The following NDRG1 variants were observed in gnomAD, a reference collection of about 807,000 sequenced individuals.
The protein encoded by NDRG1 is protein NDRG1.
NDRG1 carries 32 observed loss-of-function variants against 56.9 expected under a neutral mutation model. The ratio of observed to expected loss-of-function variants is 0.56; its 90% CI spans 0.42 to 0.76. The LOEUF (loss-of-function observed/expected upper bound fraction) is 0.76. NDRG1 is among the 30% of genes least tolerant of loss of function. The pLI, the probability that NDRG1 is intolerant of heterozygous loss-of-function variation, is 0.00. For missense variants in NDRG1, 507 were observed against 545.7 expected (o/e 0.93, Z 0.71); for synonymous variants, 211 against 204.1 (o/e 1.03, Z -0.29).
intron 2 of NDRG1, among the ~76,000 whole-genome samples, chr8:133,280,510 G>A (rs574334867): frequency 8.6e-5 from 13 of 150,320 alleles, no homozygotes; most frequent in African/African-American, 1.2e-4. Flanking sequence ...TGCAAGCTCC[G>A]CCTCCCAGGG....
chr8:133,295,022 A>C (rs990176646), intron 1 of NDRG1, among the ~76,000 whole-genome samples: 1 of 152,198 alleles, frequency 6.6e-6, no homozygotes, highest in African/African-American at 2.4e-5. Context: ...AATGGAAAGA[A>C]GTTGGACTAG....
chr8:133,274,044 T>C (rs990526520), intron 3 of NDRG1, among the ~76,000 whole-genome samples: 1 of 152,076 alleles, frequency 6.6e-6, no homozygotes, highest in African/African-American at 2.4e-5. Flanking sequence ...CTGAGGGTTC[T>C]GGAATCTTTT....
intron 9 of NDRG1, among the ~76,000 whole-genome samples, chr8:133,253,918 T>A (rs1432973237): frequency 1.3e-5 from 2 of 151,290 alleles, no homozygotes; most frequent in Non-Finnish European, 3.0e-5. Context: ...CCCAGGCTGG[T>A]CTTGAACTCC....
intron 7 of NDRG1, 123 bp downstream of exon 7, chr8:133,258,243 A>C: frequency 1.0e-6 from 1 of 979,520 alleles, no homozygotes; most frequent in South Asian, 1.4e-5. Context: ...ACACACACAC[A>C]CAACTGTGGA....
At chr8:133,256,702 C>T (rs1042799752) in intron 8 of NDRG1, 75 bp downstream of exon 8, 24 of 1,411,216 alleles carry the variant, frequency 1.7e-5, no homozygotes, top group Non-Finnish European at 2.3e-5. Context: ...CTCCAGGGAT[C>T]CCCCAGGCAG....
intron 1 of NDRG1, among the ~76,000 whole-genome samples, chr8:133,291,380 T>C (rs1347690338): frequency 6.6e-6 from 1 of 152,206 alleles, no homozygotes; most frequent in Non-Finnish European, 1.5e-5. Flanking sequence ...CACCTTGAGA[T>C]AGGCCCTGGA....
chr8:133,287,280 C>T (rs997194693), intron 1 of NDRG1, among the ~76,000 whole-genome samples: 1 of 152,194 alleles, frequency 6.6e-6, no homozygotes, highest in Admixed American at 6.5e-5. Flanking sequence ...ACAATCTGCC[C>T]ACTCCCAGCC....
intron 4 of NDRG1, 108 bp downstream of exon 4, chr8:133,264,439 A>C: frequency 1.0e-6 from 1 of 986,912 alleles, no homozygotes; most frequent in Non-Finnish European, 1.6e-6. Context: ...AGGAAGTCCC[A>C]GGCAAAAAGA....
intron 8 of NDRG1, chr8:133,255,478 C>T (rs16904874): frequency 0.15 from 63,711 of 429,410 alleles, 4,928 homozygotes; most frequent in Middle Eastern, 0.19. Context: ...AAAGACAATC[C>T]TCAGGCTTCA....
chr8:133,258,853 G>A, intron 6 of NDRG1: 1 of 518,582 alleles, frequency 1.9e-6, no homozygotes, highest in Middle Eastern at 5.3e-4. Context: ...AAGGACTCAG[G>A]CAACTCCATT....
intron 1 of NDRG1, chr8:133,284,895 T>G (rs762926800): frequency 1.1e-5 from 5 of 454,112 alleles, no homozygotes; most frequent in South Asian, 7.8e-5. Flanking sequence ...CTCGGCTGCC[T>G]GCTAAAAGGG....
chr8:133,275,488 A>G (rs996374236), intron 3 of NDRG1, among the ~76,000 whole-genome samples: 22 of 152,134 alleles, frequency 1.4e-4, no homozygotes, highest in African/African-American at 4.8e-4. Context: ...GGAATGATCT[A>G]TCCCCAGTCT....
At chr8:133,276,017 T>C (rs1857437962) in intron 3 of NDRG1, among the ~76,000 whole-genome samples, 1 of 152,158 alleles carries the variant, frequency 6.6e-6, no homozygotes, top group African/African-American at 2.4e-5. Context: ...TGGGCATTTG[T>C]TAAAGAAATA....
At chr8:133,259,262 C>T (rs773764021) in intron 5 of NDRG1, 32 bp from the exon 6 acceptor site, 17 of 1,606,374 alleles carry the variant, frequency 1.1e-5, no homozygotes, top group Non-Finnish European at 1.3e-5. Flanking sequence ...CATTAGTGAG[C>T]GCCCGGACAG....
chr8:133,254,656 G>A (rs1856271488), intron 8 of NDRG1, 61 bp from the exon 9 acceptor site: 6 of 1,554,670 alleles, frequency 3.9e-6, no homozygotes, highest in Non-Finnish European at 4.4e-6. Flanking sequence ...AACAAGGTCA[G>A]CAAAACCCCA....
At position 133,242,077 on chromosome 8, in the gene NDRG1, G is replaced by A. The variant is rs1855416988; in HGVS notation, c.892-3C>T. 1 of 1,614,220 alleles carries A rather than the reference G, an allele frequency of 6.2e-7. No individual in the cohort carries two copies. Among genetic ancestry groups the A allele is most frequent in the African/African-American group, 1.3e-5 (1 of 75,052 alleles). ...AAGGCCTCAGCGAGCTTGGCCGGCT[G>A]CGAGAGACAAGGAGAGAAAATGCAG... On this transcript the variant is annotated splice_region_variant and splice_polypyrimidine_tract_variant and intron_variant, in intron 14 of 15. Coordinates refer to ENST00000323851, the MANE Select transcript of NDRG1 (RefSeq NM_006096.4).
intron 2 of NDRG1, among the ~76,000 whole-genome samples, chr8:133,281,615 C>G (rs923177083): frequency 6.6e-6 from 1 of 152,136 alleles, no homozygotes; most frequent in African/African-American, 2.4e-5. Context: ...CCACAAACCC[C>G]CAGAAAACAA....
At chr8:133,253,962 A>G (rs1376045072) in intron 9 of NDRG1, among the ~76,000 whole-genome samples, 3 of 152,134 alleles carry the variant, frequency 2.0e-5, no homozygotes, top group East Asian at 3.9e-4. Context: ...ATGGCCTCCC[A>G]AAGTGCTGGG....
At chr8:133,257,282 T>TACACACACAC (rs58312135) in intron 7 of NDRG1, among the ~76,000 whole-genome samples, 17 of 146,822 alleles carry the variant, frequency 1.2e-4, no homozygotes, top group African/African-American at 3.7e-4. Context: ...AACACATGCA[T>TACACACACAC]ACACACACAC....
Sources: allele counts gnomAD v4.1 joint callset (sites outside exome capture counted in the v4.1 genomes callset), GRCh38; gene constraint gnomAD v4.1.1; transcripts MANE v1.5; gene names NCBI Gene and HGNC (gene_info 2026-07-23, HGNC 2026-07-21).